Variants in EMB observed in about 807,000 individuals in gnomAD.
EMB encodes the protein embigin.
In EMB, 31 loss-of-function variants were observed where a neutral mutation model predicts 41.4. The observed-to-expected ratio is 0.75, with a 90% CI of 0.56 to 1.01. The LOEUF is 1.01. Ranked by LOEUF, EMB falls within the 50% of genes least tolerant of loss-of-function variation. The pLI, the probability that EMB is intolerant of heterozygous loss-of-function variation, is 0.00. For synonymous variants in EMB, 137 were observed against 140.4 expected, an observed-to-expected ratio of 0.98 and a Z score of 0.17; for missense variants, 379 against 388.3, an observed-to-expected ratio of 0.98 and a Z score of 0.20.
At chr5:50,428,990 G>A (rs982506936) in intron 1 of EMB, among the ~76,000 whole-genome samples, 10 of 152,020 alleles carry the variant, frequency 6.6e-5, no homozygotes, top group African/African-American at 9.7e-5. Flanking sequence ...CAGCCTCCCC[G>A]GTTCAAGCAA....
intron 4 of EMB, among the ~76,000 whole-genome samples, chr5:50,410,558 G>T (rs572217551): frequency 6.1e-4 from 93 of 152,172 alleles, no homozygotes; most frequent in African/African-American, 2.2e-3. Flanking sequence ...GAAACGTGGA[G>T]GACTATTATA....
chr5:50,420,207 T>C (rs1326197342), intron 2 of EMB, among the ~76,000 whole-genome samples: 1 of 152,048 alleles, frequency 6.6e-6, no homozygotes, highest in Non-Finnish European at 1.5e-5. Flanking sequence ...TAAAAGTAAC[T>C]GGATTCCATC....
chr5:50,399,205 A>T lies in EMB; in HGVS notation c.*68T>A. ...TAAAAACTCAGAGGCTCTTAACAGG[A>T]AGGATAAACAAAGCTGAAATACGAA... On this transcript the variant is annotated 3_prime_UTR_variant, in exon 9 of 9. Coordinates refer to ENST00000303221, the MANE Select transcript of EMB (RefSeq NM_198449.3). The T allele has an allele frequency of 6.3e-7, 1 of 1,591,910 alleles. No homozygotes were observed. The highest frequency in any genetic ancestry group is 8.5e-7 in the Non-Finnish European group (1 of 1,169,666).
At chr5:50,413,720 C>A (rs577916770) in intron 2 of EMB, among the ~76,000 whole-genome samples, 1 of 151,770 alleles carries the variant, frequency 6.6e-6, no homozygotes, top group Non-Finnish European at 1.5e-5. Flanking sequence ...GGATTACAGG[C>A]GCCTGCCACC....
At chr5:50,420,230 A>G (rs1745495941) in intron 2 of EMB, among the ~76,000 whole-genome samples, 1 of 152,164 alleles carries the variant, frequency 6.6e-6, no homozygotes, top group Non-Finnish European at 1.5e-5. Context: ...AGGAGAGGTA[A>G]ACACAAGTCT....
Position 50,397,339 on chromosome 5 carries a change from G to T in EMB, c.*1934C>A, listed in dbSNP as rs570863147. The T allele has an allele frequency of 4.2e-4, 64 of 152,094 alleles. No individual in the cohort carries two copies. Among genetic ancestry groups the T allele is most frequent in the African/African-American group, 1.5e-3 (62 of 41,484 alleles). 9.4% of individuals were successfully genotyped at this position (152,094 alleles called of 1,614,324 possible). On this transcript the variant is annotated 3_prime_UTR_variant, in exon 9 of 9. Coordinates refer to ENST00000303221, the MANE Select transcript of EMB (RefSeq NM_198449.3). The stretch of plus-strand genomic sequence containing the variant: ...TTTTTGAGTACTTTTCCTATTTAAG[G>T]TTACTGAGATAAATTGTCTTTGCTA...
intron 2 of EMB, among the ~76,000 whole-genome samples, chr5:50,422,606 C>T (rs770579102): frequency 1.4e-4 from 22 of 151,976 alleles, no homozygotes; most frequent in South Asian, 8.3e-4. Flanking sequence ...ACACACAAAA[C>T]ATAAAACTAT....
chr5:50,441,293 A>C (rs28528780), upstream of EMB: 160,589 of 437,622 alleles, frequency 0.37, 30,699 homozygotes, highest in African/African-American at 0.51. Context: ...GAAAAGGCGG[A>C]ATGGGAGGGG....
chr5:50,414,049 A>G (rs1351126628), intron 2 of EMB, among the ~76,000 whole-genome samples: 1 of 152,192 alleles, frequency 6.6e-6, no homozygotes, highest in Non-Finnish European at 1.5e-5. Context: ...AAAGCAAGAA[A>G]GTGACTGCAT....
At chr5:50,440,533 C>CAAAAAAAAAAAAAAAAAAAAAA (rs70972912) in intron 1 of EMB, among the ~76,000 whole-genome samples, 1 of 60,040 alleles carries the variant, frequency 1.7e-5, no homozygotes, top group African/African-American at 6.9e-5. Flanking sequence ...AACTCCGTCT[C>CAAAAAAAAAAAAAAAAAAAAAA]AAAAAAAAAA....
intron 2 of EMB, among the ~76,000 whole-genome samples, chr5:50,418,482 T>C (rs528996709): frequency 7.9e-5 from 12 of 152,288 alleles, no homozygotes; most frequent in Admixed American, 2.6e-4. Flanking sequence ...GCTGTAAAGT[T>C]AGAGGGAGGG....
At chr5:50,430,493 T>C (rs993271589) in intron 1 of EMB, among the ~76,000 whole-genome samples, 10 of 152,274 alleles carry the variant, frequency 6.6e-5, no homozygotes, top group African/African-American at 2.4e-4. Flanking sequence ...TAAGTGAATA[T>C]ACACAGTATC....
intron 1 of EMB, among the ~76,000 whole-genome samples, chr5:50,437,113 A>T (rs1195081399): frequency 1.3e-5 from 2 of 152,218 alleles, no homozygotes; most frequent in Non-Finnish European, 2.9e-5. Flanking sequence ...TCTACAAAAA[A>T]TACAAAAATT....
At chr5:50,436,317 A>G (rs1745801995) in intron 1 of EMB, among the ~76,000 whole-genome samples, 1 of 152,204 alleles carries the variant, frequency 6.6e-6, no homozygotes, top group Non-Finnish European at 1.5e-5. Context: ...GCCAACTGCA[A>G]TCCAACACCA....
chr5:50,421,919 T>C lies in EMB; in HGVS notation c.196+6225A>G, dbSNP rs1427009887. ...GTGGGGTGGGGGGAGGGGGGAGGGA[T>C]AGCATTAGGAGATATACCTGATGTT... On this transcript the variant is annotated intron_variant, in intron 2 of 8. Transcript: ENST00000303221. Among the ~76,000 whole-genome samples the C allele has an allele frequency of 2.9e-4, 40 of 138,374 alleles. 1 individual carries two copies. In the East Asian group the frequency reaches 6.9e-3, roughly 24 times the overall value. 90.8% of individuals were successfully genotyped at this position (138,374 alleles called of 152,430 possible). A position where few individuals can be genotyped will look rare whatever the true frequency, so the allele number is the denominator to read the frequency against.
At chr5:50,421,955 T>C (rs949688033) in intron 2 of EMB, among the ~76,000 whole-genome samples, 2 of 149,452 alleles carry the variant, frequency 1.3e-5, no homozygotes, top group Admixed American at 6.7e-5. Context: ...AAATGACGAG[T>C]TAATGGGTGC....
chr5:50,419,163 C>A (rs1057378141), intron 2 of EMB, among the ~76,000 whole-genome samples: 4 of 152,170 alleles, frequency 2.6e-5, no homozygotes, highest in African/African-American at 9.7e-5. Flanking sequence ...CCTGTATGCT[C>A]CCCTCCATGG....
At chr5:50,438,589 T>C (rs367670384) in intron 1 of EMB, among the ~76,000 whole-genome samples, 325 of 152,268 alleles carry the variant, frequency 2.1e-3, no homozygotes, top group Middle Eastern at 3.4e-3. Flanking sequence ...AACCTGTGTC[T>C]AAGTATGTAG....
At chr5:50,412,264 A>G (rs1335941132) in intron 2 of EMB, among the ~76,000 whole-genome samples, 20 of 151,468 alleles carry the variant, frequency 1.3e-4, no homozygotes, top group Admixed American at 9.2e-4. Flanking sequence ...ACAGACACAC[A>G]CACACACACA....
Sources: gnomAD v4.1 joint callset for allele counts (sites outside exome capture counted in the v4.1 genomes callset) on GRCh38, gnomAD v4.1.1 for gene constraint, MANE v1.5 for transcripts, NCBI Gene and HGNC (gene_info 2026-07-23, HGNC 2026-07-21) for gene names.